FNDC3B: variants seen among roughly 807,000 people sequenced by gnomAD.
FNDC3B encodes fibronectin type III domain containing 3B, also known as fibronectin type III domain-containing protein 3B.
A neutral mutation model predicts 151.5 loss-of-function variants in FNDC3B; 12 were observed. The ratio of observed to expected loss-of-function variants is 0.08; its 90% CI spans 0.05 to 0.13. The LOEUF (loss-of-function observed/expected upper bound fraction) is 0.13. FNDC3B is among the 10% of genes least tolerant of loss of function. The pLI is 1.00. For synonymous variants in FNDC3B, 528 were observed against 549.0 expected (o/e 0.96, Z 0.54); for missense variants, 1,214 against 1,505.3 (o/e 0.81, Z 3.20).
At chr3:172,087,947 G>A (rs1217629211) in intron 1 of FNDC3B, among the ~76,000 whole-genome samples, 1 of 152,200 alleles carries the variant, frequency 6.6e-6, no homozygotes, top group East Asian at 1.9e-4. Context: ...AGCAAGAGAT[G>A]AGAATGTAGT....
chr3:172,042,978 G>T (rs144893023), intron 1 of FNDC3B, among the ~76,000 whole-genome samples: 292 of 152,140 alleles, frequency 1.9e-3, no homozygotes, highest in African/African-American at 6.4e-3. Flanking sequence ...GCAGTGGCGC[G>T]GTCTCGGCTA....
chr3:172,330,164 A>T (rs60003949), intron 12 of FNDC3B: 14,189 of 155,430 alleles, frequency 0.091, 2,243 homozygotes, highest in African/African-American at 0.32. Flanking sequence ...CACTGATATA[A>T]AATGGCATAG....
At chr3:172,332,405 A>C (rs1732729228) in intron 13 of FNDC3B, among the ~76,000 whole-genome samples, 1 of 152,228 alleles carries the variant, frequency 6.6e-6, no homozygotes, top group African/African-American at 2.4e-5. Flanking sequence ...TTTTTGTCAT[A>C]GCACTTAACA....
chr3:172,278,803 C>T (rs7646380), intron 6 of FNDC3B, among the ~76,000 whole-genome samples: 79,465 of 151,804 alleles, frequency 0.52, 23,890 homozygotes, highest in African/African-American at 0.84. Flanking sequence ...GGCGCACACT[C>T]GTAATCCCAG....
At chr3:172,126,210 T>A (rs996476165) in intron 2 of FNDC3B, among the ~76,000 whole-genome samples, 1 of 152,174 alleles carries the variant, frequency 6.6e-6, no homozygotes, top group Non-Finnish European at 1.5e-5. Context: ...TGGCTCCGAA[T>A]TCAACGTGCA....
intron 21 of FNDC3B, among the ~76,000 whole-genome samples, chr3:172,348,627 T>C (rs750080460): frequency 6.6e-6 from 1 of 152,250 alleles, no homozygotes; most frequent in Non-Finnish European, 1.5e-5. Context: ...TTGGTGTTTC[T>C]TTAAAATGTT....
At chr3:172,263,005 A>G (rs1434868331) in intron 6 of FNDC3B, among the ~76,000 whole-genome samples, 1 of 150,258 alleles carries the variant, frequency 6.7e-6, no homozygotes, top group African/African-American at 2.4e-5. Flanking sequence ...CTTGTTTTAA[A>G]TGAAGATGTC....
At chr3:172,261,607 C>A (rs1226489998) in intron 6 of FNDC3B, among the ~76,000 whole-genome samples, 1 of 152,120 alleles carries the variant, frequency 6.6e-6, no homozygotes, top group Non-Finnish European at 1.5e-5. Flanking sequence ...TGTAGTGAGA[C>A]TTTGAAATTC....
At position 172,352,739 on chromosome 3, in the gene FNDC3B, C is replaced by T; in HGVS notation, c.2515-64C>T. The T allele has an allele frequency of 6.6e-7, 1 of 1,510,288 alleles. No homozygotes were observed. The highest frequency in any genetic ancestry group is 1.2e-5 in the South Asian group (1 of 81,444). 93.6% of individuals were successfully genotyped at this position (1,510,288 alleles called of 1,614,324 possible). On this transcript the variant is annotated intron_variant, in intron 21 of 25. Transcript: ENST00000415807. The surrounding 1 kb of genome is among the most constrained non-coding windows in gnomAD (Gnocchi z 4.2). ...TTTAGATTTATTTAATGGCAGCTAA[C>T]TCAGAGGCATCAAAATGTGCTAATG... is the stretch of plus-strand genomic sequence containing the variant.
At chr3:172,359,404 G>A (rs1734262784) in intron 22 of FNDC3B, among the ~76,000 whole-genome samples, 1 of 152,168 alleles carries the variant, frequency 6.6e-6, no homozygotes, top group African/African-American at 2.4e-5. Flanking sequence ...AGGTGAGCCA[G>A]CAGATGGCAG....
intron 22 of FNDC3B, among the ~76,000 whole-genome samples, chr3:172,355,785 CA>C (rs1285188467): frequency 5.3e-5 from 8 of 152,144 alleles, no homozygotes; most frequent in African/African-American, 1.9e-4. Context: ...TTCATTAGCA[CA>C]GGTTTTCTAT....
chr3:172,287,681 T>A (rs970352908), intron 7 of FNDC3B, among the ~76,000 whole-genome samples: 2 of 152,202 alleles, frequency 1.3e-5, no homozygotes, highest in Non-Finnish European at 2.9e-5. Flanking sequence ...CACACAGTGC[T>A]GTTCCTCAGA....
At chr3:172,238,024 T>TA (rs1727256197) in intron 4 of FNDC3B, among the ~76,000 whole-genome samples, 1 of 152,250 alleles carries the variant, frequency 6.6e-6, no homozygotes, top group Non-Finnish European at 1.5e-5. Context: ...TATCAAATAT[T>TA]ATTTCATCAC....
chr3:172,379,614 G>A (rs957318981), intron 24 of FNDC3B, among the ~76,000 whole-genome samples: 15 of 151,096 alleles, frequency 9.9e-5, no homozygotes, highest in African/African-American at 3.7e-4. Flanking sequence ...CACATGCACG[G>A]CCTTGTCAGG....
intron 11 of FNDC3B, among the ~76,000 whole-genome samples, chr3:172,317,514 G>A (rs1179931472): frequency 6.6e-6 from 1 of 152,060 alleles, no homozygotes; most frequent in Non-Finnish European, 1.5e-5. Context: ...ATAAACATGG[G>A]GGACACATTC....
At position 172,386,248 on chromosome 3, in the gene FNDC3B, AT is replaced by A. The variant is rs1397037644; in HGVS notation, c.3303+5156del. On this transcript the variant is annotated intron_variant, in intron 25 of 25. Coordinates refer to ENST00000415807, the MANE Select transcript of FNDC3B (RefSeq NM_022763.4). The stretch of plus-strand genomic sequence containing the variant: ...CTTCTTATTTTGTACAAGATATAGC[AT>A]AGACAGTTTCATGCATAGTAAGAAG... Among the ~76,000 whole-genome samples, 33 of 152,026 alleles carry A rather than the reference AT, an allele frequency of 2.2e-4. No individual in the cohort carries two copies. The East Asian group carries it at 5.2e-3, about 24-fold the overall frequency.
intron 3 of FNDC3B, among the ~76,000 whole-genome samples, chr3:172,166,285 C>G (rs547118459): frequency 1.3e-5 from 2 of 152,280 alleles, no homozygotes; most frequent in South Asian, 4.1e-4. Flanking sequence ...TCTAGTTCCT[C>G]AATCAGTATC....
intron 3 of FNDC3B, among the ~76,000 whole-genome samples, chr3:172,201,532 C>T (rs751561959): frequency 5.3e-5 from 8 of 152,242 alleles, no homozygotes; most frequent in South Asian, 2.1e-4. Flanking sequence ...GTACTGTAAG[C>T]TCTAGAGGAT....
rs772878434 is a variant in FNDC3B, at chr3:172,397,290, C to T, written c.3430C>T (p.Pro1144Ser). The change falls in exon 26 of 26, where the codon CCC becomes TCC. Residue 1144 changes from proline (P) to serine (S), a missense_variant. By Grantham distance (74) the Pro-to-Ser change is moderately conservative. This residue lies in a region of FNDC3B where 284 missense variants were observed against 392.4 expected (regional missense o/e 0.72). Coordinates refer to ENST00000415807, the MANE Select transcript of FNDC3B (RefSeq NM_022763.4). ...TCAGGAGCTAAGCGGAGCCTTCAGC[C>T]CCTCTGCGGCTTTTGTATTACAACG... ...TSQELSGAFS[P>S]SAAFVLQRSE... 3.7e-6 allele frequency: 6 copies of T among 1,614,036 alleles called. No individual in the cohort carries two copies. The highest frequency in any genetic ancestry group is 2.7e-5 in the African/African-American group (2 of 74,908).
Sources: allele counts gnomAD v4.1 joint callset (sites outside exome capture counted in the v4.1 genomes callset), GRCh38; gene constraint gnomAD v4.1.1; regional missense constraint gnomAD v4.1.1; non-coding constraint Gnocchi (gnomAD v3.1); transcripts MANE v1.5; gene names NCBI Gene and HGNC (gene_info 2026-07-23, HGNC 2026-07-21).